Variants in DCAF12 observed in about 807,000 individuals in gnomAD.
DCAF12 encodes the protein DDB1- and CUL4-associated factor 12.
A neutral mutation model predicts 52.8 loss-of-function variants in DCAF12; 28 were observed. That is an observed-to-expected ratio of 0.53 (90% CI 0.39 to 0.73). The LOEUF (loss-of-function observed/expected upper bound fraction) is 0.73. DCAF12 is among the 30% of genes least tolerant of loss of function. The probability of loss-of-function intolerance (pLI) is 0.00; values close to 1 mark genes in which losing one functional copy is unlikely to be tolerated. For missense variants in DCAF12, 425 were observed against 552.2 expected (o/e 0.77, Z 2.31); for synonymous variants, 196 against 215.5 (o/e 0.91, Z 0.79).
intron 6 of DCAF12, chr9:34,093,698 C>T: frequency 7.3e-6 from 3 of 412,756 alleles, no homozygotes; most frequent in Non-Finnish European, 1.3e-5. Flanking sequence ...AATAAATAAT[C>T]AGAAGTAGCT....
intron 2 of DCAF12, among the ~76,000 whole-genome samples, chr9:34,108,063 C>T (rs1421416443): frequency 1.3e-5 from 2 of 152,216 alleles, no homozygotes; most frequent in African/African-American, 2.4e-5. Context: ...ATTAGTATCT[C>T]ATGGCTGTTC....
In DCAF12 at chr9:34,120,683, A is replaced by AG. The variant is rs1554640833; in HGVS notation, c.333+4339_333+4340insC. ...AGACGCGGTCTCAAAAAAAAAAAAAAAAAAGAAAACAAAGCAACCCTGACA... is the reference window on the plus strand; with the variant it reads ...AGACGCGGTCTCAAAAAAAAAAAAAAGAAAAGAAAACAAAGCAACCCTGACA... On this transcript the variant is annotated intron_variant, in intron 2 of 8. Transcript: ENST00000361264. Among the ~76,000 whole-genome samples, 1,118 of 151,604 alleles carry AG rather than the reference A, an allele frequency of 7.4e-3. 17 individuals are homozygous for AG. Among genetic ancestry groups the AG allele is most frequent in the African/African-American group, 0.026 (1,058 of 41,308 alleles).
At chr9:34,088,967 G>A (rs544935236) in intron 8 of DCAF12, among the ~76,000 whole-genome samples, 7 of 151,836 alleles carry the variant, frequency 4.6e-5, no homozygotes, top group East Asian at 1.9e-4. Context: ...TAAATTAGCC[G>A]GGCACAGTGC....
chr9:34,088,647 G>C (rs1446209333), intron 8 of DCAF12, 139 bp from the exon 9 acceptor site: 2 of 934,662 alleles, frequency 2.1e-6, no homozygotes, highest in African/African-American at 1.7e-5. Flanking sequence ...GAGATTGGCT[G>C]GTTGGTTCTC....
chr9:34,093,319 C>G lies in DCAF12; in HGVS notation c.991G>C (p.Val331Leu). Residue 331 changes from valine to leucine, a missense_variant, in exon 7 of 9, where the codon GTC (valine) becomes CTC (leucine). Physicochemically the swap from Val to Leu is conservative, Grantham distance 32. This residue lies in a region of DCAF12 where 328 missense variants were observed against 444.4 expected (regional missense o/e 0.74). Transcript: ENST00000361264. Reference protein sequence around the residue: ...FLDPRQPSYNVKSVCSRERGS... With the variant: ...FLDPRQPSYNLKSVCSRERGS... ...CGCTCCCTGGAACAGACAGACTTGACGTTGTATGATGGCTGCCGTGGATCC... is the reference window on the plus strand; with the variant it reads ...CGCTCCCTGGAACAGACAGACTTGAGGTTGTATGATGGCTGCCGTGGATCC... 1 of 1,614,216 alleles carries G rather than the reference C, an allele frequency of 6.2e-7. No individual in the cohort carries two copies. The highest frequency in any genetic ancestry group is 8.5e-7 in the Non-Finnish European group (1 of 1,180,038).
intron 5 of DCAF12, among the ~76,000 whole-genome samples, chr9:34,097,824 T>G (rs1157372495): frequency 1.3e-5 from 2 of 151,870 alleles, no homozygotes; most frequent in Non-Finnish European, 2.9e-5. Context: ...TCCCAGCTAC[T>G]TGAGAATCTG....
At chr9:34,109,258 A>C in intron 2 of DCAF12, 1 of 184,700 alleles carries the variant, frequency 5.4e-6, no homozygotes, top group African/African-American at 2.3e-5. Context: ...CATGCTGCTC[A>C]CAGCCTCAGT....
At chr9:34,101,064 C>CCT (rs1554700085) in intron 4 of DCAF12, among the ~76,000 whole-genome samples, 5 of 118,354 alleles carry the variant, frequency 4.2e-5, no homozygotes, top group African/African-American at 1.6e-4. Flanking sequence ...CCCTCCCCAA[C>CCT]TTTTTTTTTT....
intron 6 of DCAF12, among the ~76,000 whole-genome samples, chr9:34,094,143 G>T (rs545634572): frequency 6.6e-6 from 1 of 152,236 alleles, no homozygotes; most frequent in Non-Finnish European, 1.5e-5. Flanking sequence ...GGTGGCTAAC[G>T]TCTGTAATCC....
At chr9:34,122,427 C>CA (rs1466029358) in intron 2 of DCAF12, among the ~76,000 whole-genome samples, 1 of 151,898 alleles carries the variant, frequency 6.6e-6, no homozygotes. Context: ...CCTTAACATT[C>CA]ACCCTGCCAT....
At chr9:34,089,823 T>C (rs1210713390) in intron 7 of DCAF12, 2 of 395,706 alleles carry the variant, frequency 5.1e-6, no homozygotes, top group African/African-American at 2.1e-5. Flanking sequence ...CAAGAAGCCT[T>C]GGAAAAGTGT....
intron 4 of DCAF12, 59 bp from the exon 5 acceptor site, chr9:34,098,576 C>T (rs1056007896): frequency 6.5e-7 from 1 of 1,536,102 alleles, no homozygotes; most frequent in Non-Finnish European, 8.8e-7. Context: ...GGAAATCCCA[C>T]AGACGCCAAA....
chr9:34,089,044 G>C (rs562709446), intron 8 of DCAF12, among the ~76,000 whole-genome samples: 210 of 150,508 alleles, frequency 1.4e-3, no homozygotes, highest in Non-Finnish European at 2.6e-3. Flanking sequence ...AGGAGTTCAA[G>C]GCTACATACA....
At chr9:34,117,067 G>T (rs558074645) in intron 2 of DCAF12, among the ~76,000 whole-genome samples, 2 of 152,296 alleles carry the variant, frequency 1.3e-5, no homozygotes, top group Admixed American at 6.5e-5. Context: ...TCCTACACAA[G>T]ATGGACTACA....
chr9:34,115,376 G>C (rs1269025703), intron 2 of DCAF12, among the ~76,000 whole-genome samples: 1 of 146,074 alleles, frequency 6.8e-6, no homozygotes, highest in Non-Finnish European at 1.5e-5. Context: ...CGGATCACGA[G>C]GTCAGGAGAT....
chr9:34,110,656 GAATTTATGAAC>G (rs1364616745), intron 2 of DCAF12, among the ~76,000 whole-genome samples: 2 of 152,058 alleles, frequency 1.3e-5, no homozygotes, highest in African/African-American at 4.8e-5. Context: ...TTCAGCCCAG[GAATTTATGAAC>G]AGCTCAGGCA....
At chr9:34,121,888 A>G (rs549919604) in intron 2 of DCAF12, among the ~76,000 whole-genome samples, 15 of 152,278 alleles carry the variant, frequency 9.9e-5, no homozygotes, top group Admixed American at 9.2e-4. Context: ...GGTTGCAGTG[A>G]GCTGAGATCG....
chr9:34,099,893 A>C (rs1587733778), intron 4 of DCAF12, among the ~76,000 whole-genome samples: 1 of 151,982 alleles, frequency 6.6e-6, no homozygotes, highest in African/African-American at 2.4e-5. Context: ...CACCTGGCCA[A>C]AGCTTAGTAA....
chr9:34,107,423 C>T lies in DCAF12; in HGVS notation c.476G>A (p.Gly159Glu). The change falls in exon 3 of 9, where the codon GGA (glycine) becomes GAA (glutamate). Residue 159 changes from glycine to glutamate, a missense_variant. This residue lies in a region of DCAF12 where 328 missense variants were observed against 444.4 expected (regional missense o/e 0.74). Coordinates refer to ENST00000361264, the MANE Select transcript of DCAF12 (RefSeq NM_015397.4). ...NPSRTLLATG[G>E]DNPNSLAIYR... The stretch of plus-strand genomic sequence containing the variant: ...GATGGCAAGACTGTTGGGGTTGTCT[C>T]CTCCAGTGGCTAGCAGTGTTCTAGA... The T allele has an allele frequency of 1.2e-6, 2 of 1,614,202 alleles. No homozygotes were observed. The highest frequency in any genetic ancestry group is 1.7e-6 in the Non-Finnish European group (2 of 1,180,046).
Sources: allele counts gnomAD v4.1 joint callset (sites outside exome capture counted in the v4.1 genomes callset), GRCh38; gene constraint gnomAD v4.1.1; regional missense constraint gnomAD v4.1.1; transcripts MANE v1.5; gene names NCBI Gene and HGNC (gene_info 2026-07-23, HGNC 2026-07-21).